CCSAP: variants seen among roughly 807,000 people sequenced by gnomAD.
CCSAP encodes the protein centriole, cilia and spindle associated protein.
In CCSAP, 17 loss-of-function variants were observed where a neutral mutation model predicts 25.9. That is an observed-to-expected ratio of 0.66 (90% CI 0.45 to 0.99). The LOEUF (loss-of-function observed/expected upper bound fraction) is 0.99. Ranked by LOEUF, CCSAP falls within the 50% of genes least tolerant of loss-of-function variation. The pLI is 0.00. For missense variants in CCSAP, 339 were observed against 367.8 expected, an observed-to-expected ratio of 0.92 and a Z score of 0.64; for synonymous variants, 169 against 157.1, an observed-to-expected ratio of 1.08 and a Z score of -0.57.
rs1359127206 is a variant in CCSAP, at chr1:229,321,733, G to GCTC, written c.*3499_*3501dup. ...TTGTTTTACTTCTGATATATGCTTT[G>GCTC]CTCCTCCTCCTCTTTGCTAGTAATA... On this transcript the variant is annotated 3_prime_UTR_variant, in exon 4 of 4. Transcript: ENST00000284617. 1 of 152,076 alleles carries GCTC rather than the reference G, an allele frequency of 6.6e-6. No homozygotes were observed. The highest frequency in any genetic ancestry group is 2.4e-5 in the African/African-American group (1 of 41,414). The allele number at this position is 152,076 out of a possible 1,614,324, so 9.4% of individuals were successfully genotyped here. A position where few individuals can be genotyped will look rare whatever the true frequency, so the allele number is the denominator to read the frequency against.
In CCSAP at chr1:229,341,990, A is replaced by G. The variant is rs911858111; in HGVS notation, c.367+109T>C. The G allele has an allele frequency of 7.5e-6, 9 of 1,195,900 alleles. No individual in the cohort carries two copies. The African/African-American group carries it at 1.3e-4, about 17-fold the overall frequency. The allele number at this position is 1,195,900 out of a possible 1,614,324, so 74.1% of individuals were successfully genotyped here. A position where few individuals can be genotyped will look rare whatever the true frequency, so the allele number is the denominator to read the frequency against. On this transcript the variant is annotated intron_variant, in intron 2 of 3. Transcript: ENST00000284617. ...GATTCTGTCAACCGAAAAAAAAAAA[A>G]GGAAGAGCCAGCCCCGAGTGGCGCA...
In CCSAP at chr1:229,324,332, G is replaced by C. The variant is rs1382471377; in HGVS notation, c.*903C>G. The C allele has an allele frequency of 6.6e-6, 1 of 151,896 alleles. No individual in the cohort carries two copies. The highest frequency in any genetic ancestry group is 1.5e-5 in the Non-Finnish European group (1 of 67,988). 9.4% of individuals were successfully genotyped at this position (151,896 alleles called of 1,614,324 possible). A position where few individuals can be genotyped will look rare whatever the true frequency, so the allele number is the denominator to read the frequency against. Reference sequence around the variant, plus strand: ...CAATTCCAGATTGTAAGTTTGAAATGTCATTGCCAGCCATTACAGAAGAGG... The same window carrying C: ...CAATTCCAGATTGTAAGTTTGAAATCTCATTGCCAGCCATTACAGAAGAGG... On this transcript the variant is annotated 3_prime_UTR_variant, in exon 4 of 4. Transcript: ENST00000284617.
In CCSAP at chr1:229,325,046, T is replaced by A; in HGVS notation, c.*189A>T. Reference sequence around the variant, plus strand: ...CCAAATGTCTATGGCTTCAACTGTCTGCCCTACTGCCGAGGTAGGTGACCA... The same window carrying A: ...CCAAATGTCTATGGCTTCAACTGTCAGCCCTACTGCCGAGGTAGGTGACCA... On this transcript the variant is annotated 3_prime_UTR_variant, in exon 4 of 4. Transcript: ENST00000284617. 1 of 516,358 alleles carries A rather than the reference T, an allele frequency of 1.9e-6. No individual in the cohort carries two copies. The highest frequency in any genetic ancestry group is 3.0e-5 in the South Asian group (1 of 33,014). The allele number at this position is 516,358 out of a possible 1,614,324, so 32.0% of individuals were successfully genotyped here.
rs990956662 is a variant in CCSAP at position 229,322,758 on chromosome 1, A to G, written c.*2477T>C. 4 of 152,230 alleles carry G rather than the reference A, an allele frequency of 2.6e-5. No individual in the cohort carries two copies. Among genetic ancestry groups the G allele is most frequent in the Admixed American group, 6.5e-5 (1 of 15,286 alleles). The allele number at this position is 152,230 out of a possible 1,614,324, so 9.4% of individuals were successfully genotyped here. A position where few individuals can be genotyped will look rare whatever the true frequency, so the allele number is the denominator to read the frequency against. On this transcript the variant is annotated 3_prime_UTR_variant, in exon 4 of 4. Transcript: ENST00000284617. ...CTAGACAATATTGCTTCAATATTCT[A>G]TTACTTTAATATTAAAAGCAGTAAC...
Position 229,342,047 on chromosome 1 carries a change from A to G in CCSAP, c.367+52T>C, listed in dbSNP as rs1658344776. 2 of 1,292,160 alleles carry G rather than the reference A, an allele frequency of 1.5e-6. No individual in the cohort carries two copies. The highest frequency in any genetic ancestry group is 1.5e-5 in the African/African-American group (1 of 65,430). The allele number at this position is 1,292,160 out of a possible 1,614,324, so 80.0% of individuals were successfully genotyped here. A position where few individuals can be genotyped will look rare whatever the true frequency, so the allele number is the denominator to read the frequency against. Reference sequence around the variant, plus strand: ...AAGAGATCAGCTGCTCAGAGCTTAGAGCAAACCGTCCCTGCGTGCAGGCCC... The same window carrying G: ...AAGAGATCAGCTGCTCAGAGCTTAGGGCAAACCGTCCCTGCGTGCAGGCCC... On this transcript the variant is annotated intron_variant, in intron 2 of 3. Coordinates refer to ENST00000284617, the MANE Select transcript of CCSAP (RefSeq NM_145257.5). This position sits in a 1 kb window ranked among gnomAD's most constrained non-coding sequence, Gnocchi z 7.5.
intron 2 of CCSAP, among the ~76,000 whole-genome samples, chr1:229,337,706 C>CAAATATATAT (rs753276435): frequency 2.3e-5 from 2 of 88,626 alleles, no homozygotes; most frequent in Non-Finnish European, 4.3e-5. Context: ...TATACACATA[C>CAAATATATAT]ATATATATAT....
rs1243137198 is a variant in CCSAP at position 229,340,587 on chromosome 1, G to C, written c.367+1512C>G. 3 of 589,348 alleles carry C rather than the reference G, an allele frequency of 5.1e-6. No homozygotes were observed. The East Asian group carries it at 8.7e-5, about 17-fold the overall frequency. The allele number at this position is 589,348 out of a possible 1,614,324, so 36.5% of individuals were successfully genotyped here. ...AGTACCCACAGGAATAATCTGGAAGGCATGTTCCCTACCCCCTCCACCTTC... is the reference window on the plus strand; with the variant it reads ...AGTACCCACAGGAATAATCTGGAAGCCATGTTCCCTACCCCCTCCACCTTC... On this transcript the variant is annotated intron_variant, in intron 2 of 3. Coordinates refer to ENST00000284617, the MANE Select transcript of CCSAP (RefSeq NM_145257.5).
At chr1:229,325,500 G>C (rs940505551) in intron 3 of CCSAP, 89 bp from the exon 4 acceptor site, 2 of 1,244,230 alleles carry the variant, frequency 1.6e-6, no homozygotes, top group Non-Finnish European at 2.3e-6. Context: ...GCTACTGCCA[G>C]GTCAACTGCA....
rs969385195 is a variant in CCSAP, at chr1:229,322,334, C to T, written c.*2901G>A. ...AGTTCAAGTGACCCAAGTATAAATA[C>T]CCTTCAAGTTGCTAGCAATTGATCT... On this transcript the variant is annotated 3_prime_UTR_variant, in exon 4 of 4. Transcript: ENST00000284617. 6.6e-6 allele frequency: 1 copy of T among 152,134 alleles called. No individual in the cohort carries two copies. The highest frequency in any genetic ancestry group is 1.5e-5 in the Non-Finnish European group (1 of 68,030). The allele number at this position is 152,134 out of a possible 1,614,324, so 9.4% of individuals were successfully genotyped here. A position where few individuals can be genotyped will look rare whatever the true frequency, so the allele number is the denominator to read the frequency against.
chr1:229,334,068 T>TTTTG (rs112113521), intron 2 of CCSAP, among the ~76,000 whole-genome samples: 2,471 of 152,216 alleles, frequency 0.016, 68 homozygotes, highest in African/African-American at 0.055. Flanking sequence ...CATTAGGTTT[T>TTTTG]TTTGTTTGTT....
intron 2 of CCSAP, among the ~76,000 whole-genome samples, chr1:229,334,156 C>T (rs1658143840): frequency 6.6e-6 from 1 of 152,150 alleles, no homozygotes; most frequent in Non-Finnish European, 1.5e-5. Context: ...CTGTGACCTC[C>T]ACCTCCTGGG....
chr1:229,330,858 G>A (rs1658052930), intron 2 of CCSAP, among the ~76,000 whole-genome samples: 1 of 150,606 alleles, frequency 6.6e-6, no homozygotes. Flanking sequence ...AAAAGAAAAT[G>A]CAATTAACAG....
intron 2 of CCSAP, among the ~76,000 whole-genome samples, chr1:229,332,833 T>G (rs1203281798): frequency 6.6e-6 from 1 of 152,154 alleles, no homozygotes; most frequent in Non-Finnish European, 1.5e-5. Flanking sequence ...ACAGCGCAAA[T>G]GGAGAACACG....
chr1:229,331,222 G>A (rs908432181), intron 2 of CCSAP, among the ~76,000 whole-genome samples: 9 of 152,056 alleles, frequency 5.9e-5, no homozygotes, highest in Non-Finnish European at 1.2e-4. Flanking sequence ...AAAGATAACC[G>A]GCACACAGGA....
chr1:229,330,686 C>T (rs1433216834), intron 2 of CCSAP, among the ~76,000 whole-genome samples: 2 of 151,880 alleles, frequency 1.3e-5, no homozygotes, highest in African/African-American at 4.8e-5. Context: ...AGTAAAAATA[C>T]AAAAACTAAT....
chr1:229,325,862 A>C (rs1285674683), intron 3 of CCSAP, among the ~76,000 whole-genome samples: 1 of 152,262 alleles, frequency 6.6e-6, no homozygotes, highest in Non-Finnish European at 1.5e-5. Context: ...TATACTACAG[A>C]TAAATCCTGT....
intron 2 of CCSAP, among the ~76,000 whole-genome samples, chr1:229,339,182 G>A (rs568398868): frequency 8.0e-5 from 12 of 150,508 alleles, no homozygotes; most frequent in African/African-American, 2.9e-4. Context: ...GACCTGCCAA[G>A]TGCCCAGCAA....
chr1:229,342,090 G>A lies in CCSAP; in HGVS notation c.367+9C>T. The A allele has an allele frequency of 3.0e-6, 4 of 1,337,432 alleles. No homozygotes were observed. The highest frequency in any genetic ancestry group is 3.8e-6 in the Non-Finnish European group (4 of 1,046,844). 82.8% of individuals were successfully genotyped at this position (1,337,432 alleles called of 1,614,324 possible). A position where few individuals can be genotyped will look rare whatever the true frequency, so the allele number is the denominator to read the frequency against. ...GCAGGCCCCTCGCGCTCCCCTCCGG[G>A]CCGGGTACCTGGCAGAGCCGCGTCC... On this transcript the variant is annotated intron_variant, in intron 2 of 3. Coordinates refer to ENST00000284617, the MANE Select transcript of CCSAP (RefSeq NM_145257.5). The surrounding 1 kb of genome is among the most constrained non-coding windows in gnomAD (Gnocchi z 7.5).
At chr1:229,332,033 G>A (rs1658081183) in intron 2 of CCSAP, among the ~76,000 whole-genome samples, 1 of 151,732 alleles carries the variant, frequency 6.6e-6, no homozygotes, top group Admixed American at 6.6e-5. Context: ...AGTAGAGACG[G>A]GGTTTCATCA....
Sources: gnomAD v4.1 joint callset for allele counts (sites outside exome capture counted in the v4.1 genomes callset) on GRCh38, gnomAD v4.1.1 for gene constraint, Gnocchi (gnomAD v3.1) non-coding constraint, MANE v1.5 for transcripts, NCBI Gene and HGNC (gene_info 2026-07-23, HGNC 2026-07-21) for gene names.